Variants in DNAH3 observed in about 807,000 individuals in gnomAD.
DNAH3 encodes the protein dynein axonemal heavy chain 3, also known as axonemal beta dynein heavy chain 3.
In DNAH3, 332 loss-of-function variants were observed where a neutral mutation model predicts 432.5. That is an observed-to-expected ratio of 0.77 (90% confidence interval 0.70 to 0.84). The LOEUF (loss-of-function observed/expected upper bound fraction) is 0.84. DNAH3 is among the 40% of genes least tolerant of loss of function. The pLI, the probability that DNAH3 is intolerant of heterozygous loss-of-function variation, is 0.00. For missense variants in DNAH3, 4,861 were observed against 5,114.0 expected (o/e 0.95, Z 1.51); for synonymous variants, 1,956 against 1,900.2 (o/e 1.03, Z -0.76).
chr16:20,975,411 G>T (rs372944277), exon 51 of DNAH3: 2 of 1,613,354 alleles, frequency 1.2e-6, no homozygotes, highest in South Asian at 2.2e-5. Context: ...TTGCATAACC[G>T]CTACCTAGCA....
intron 46 of DNAH3, 28 bp downstream of exon 46, chr16:20,987,665 T>C (rs2086265412): frequency 1.2e-6 from 2 of 1,609,894 alleles, no homozygotes; most frequent in Non-Finnish European, 1.7e-6. Flanking sequence ...TGCTGAATGA[T>C]CTTGGTAGTA....
chr16:21,151,382 G>A (rs896029017), intron 1 of DNAH3, among the ~76,000 whole-genome samples: 5 of 148,480 alleles, frequency 3.4e-5, no homozygotes, highest in South Asian at 2.1e-4. Context: ...GTGCAGTGGC[G>A]TGATCTCAGC....
intron 51 of DNAH3, among the ~76,000 whole-genome samples, 167 bp downstream of exon 51, chr16:20,975,066 G>T (rs1433840854): frequency 6.7e-6 from 1 of 150,206 alleles, no homozygotes; most frequent in Non-Finnish European, 1.5e-5. Context: ...CCTAACCTCA[G>T]GTGATCCACC....
At chr16:21,069,808 A>G (rs2090716005) in intron 22 of DNAH3, among the ~76,000 whole-genome samples, 1 of 152,240 alleles carries the variant, frequency 6.6e-6, no homozygotes, top group Non-Finnish European at 1.5e-5. Context: ...TTTGCCCTTT[A>G]CGGAGCTCAC....
intron 8 of DNAH3, among the ~76,000 whole-genome samples, chr16:21,125,918 G>A (rs915662687): frequency 1.3e-5 from 2 of 152,136 alleles, no homozygotes; most frequent in African/African-American, 4.8e-5. Context: ...AGGCCGAAGC[G>A]GGCAGATCAC....
chr16:20,989,592 C>T (rs3103813), intron 44 of DNAH3, among the ~76,000 whole-genome samples: 25,168 of 152,282 alleles, frequency 0.17, 2,308 homozygotes, highest in African/African-American at 0.24. Context: ...TAGTGGATCC[C>T]GCACCGGGGC....
intron 41 of DNAH3, among the ~76,000 whole-genome samples, chr16:21,010,819 C>T (rs555021682): frequency 7.3e-5 from 11 of 151,684 alleles, no homozygotes; most frequent in African/African-American, 2.2e-4. Context: ...CAGGCTCAAG[C>T]GATCCTTCCA....
At chr16:21,077,185 T>A (rs1465859680) in intron 20 of DNAH3, among the ~76,000 whole-genome samples, 2 of 152,018 alleles carry the variant, frequency 1.3e-5, no homozygotes, top group East Asian at 3.9e-4. Context: ...TTCCCCCAGA[T>A]GGAGTCTCAC....
rs191800685 is a variant in DNAH3, at chr16:21,116,570, T to G, written c.1814+633A>C. ...AATTAAGCCTCTTTCTTTTGTAAAT[T>G]ACTCAGTCTCAAGCATGTCTTCATT... On this transcript the variant is annotated intron_variant, in intron 12 of 61. Transcript: ENST00000261383. Among the ~76,000 whole-genome samples the G allele has an allele frequency of 2.6e-5, 4 of 152,250 alleles. No individual in the cohort carries two copies. The East Asian group carries it at 7.7e-4, about 29-fold the overall frequency.
intron 44 of DNAH3, among the ~76,000 whole-genome samples, chr16:20,996,198 T>C (rs1054857948): frequency 6.6e-6 from 1 of 152,244 alleles, no homozygotes; most frequent in Non-Finnish European, 1.5e-5. Context: ...TTTTTATACA[T>C]ACATGTGTTA....
chr16:21,144,120 T>C (rs572938488), intron 3 of DNAH3, among the ~76,000 whole-genome samples: 6 of 152,264 alleles, frequency 3.9e-5, no homozygotes, highest in East Asian at 3.9e-4. Context: ...ATTAAATTAA[T>C]ACATACAAGG....
intron 49 of DNAH3, among the ~76,000 whole-genome samples, chr16:20,981,796 T>G (rs770100051): frequency 3.7e-4 from 56 of 151,862 alleles, no homozygotes; most frequent in Non-Finnish European, 6.9e-4. Context: ...AAGCACCTTC[T>G]AGAAACTAAG....
intron 53 of DNAH3, among the ~76,000 whole-genome samples, chr16:20,959,610 A>AACACACACAC (rs55757849): frequency 8.1e-4 from 111 of 137,638 alleles, no homozygotes; most frequent in African/African-American, 1.6e-3. Context: ...TCTCTATTTA[A>AACACACACAC]ACACACACAC....
intron 43 of DNAH3, among the ~76,000 whole-genome samples, chr16:20,999,745 T>G (rs1237760681): frequency 6.6e-6 from 1 of 152,204 alleles, no homozygotes; most frequent in Admixed American, 6.5e-5. Context: ...GGAAACGCTT[T>G]GTAAATAGTT....
chr16:20,945,363 C>G (rs2083997568), intron 57 of DNAH3, among the ~76,000 whole-genome samples: 1 of 152,166 alleles, frequency 6.6e-6, no homozygotes, highest in Non-Finnish European at 1.5e-5. Flanking sequence ...ATTGCCCACC[C>G]CTTTCCCGGA....
intron 15 of DNAH3, among the ~76,000 whole-genome samples, chr16:21,105,773 A>C (rs895240071): frequency 1.3e-5 from 2 of 152,178 alleles, no homozygotes; most frequent in Non-Finnish European, 2.9e-5. Context: ...CGACAAAAAA[A>C]ATAAATAAAT....
chr16:20,997,228 GC>G lies in DNAH3; in HGVS notation c.6601+54del, dbSNP rs1425292661. 7 of 1,563,964 alleles carry G rather than the reference GC, an allele frequency of 4.5e-6. No individual in the cohort carries two copies. The African/African-American group carries it at 6.7e-5, about 15-fold the overall frequency. On this transcript the variant is annotated intron_variant, in intron 44 of 61. Transcript: ENST00000261383. ...CACCAACCCACCTTTCATAAAGGTGGCCCAGCTCTGCTGGGGATGGAGGGAA... is the reference window on the plus strand; with the variant it reads ...CACCAACCCACCTTTCATAAAGGTGGCCAGCTCTGCTGGGGATGGAGGGAA...
chr16:21,038,190 A>G (rs996784938), intron 33 of DNAH3, among the ~76,000 whole-genome samples: 2 of 152,190 alleles, frequency 1.3e-5, no homozygotes, highest in Non-Finnish European at 2.9e-5. Context: ...TATGTATAAC[A>G]TGTATGGTAT....
intron 35 of DNAH3, among the ~76,000 whole-genome samples, chr16:21,036,050 C>G (rs1384015203): frequency 2.0e-5 from 3 of 152,094 alleles, no homozygotes; most frequent in African/African-American, 7.2e-5. Flanking sequence ...AACTAATTTG[C>G]CTAAAATCTC....
Sources: allele counts gnomAD v4.1 joint callset (sites outside exome capture counted in the v4.1 genomes callset), GRCh38; gene constraint gnomAD v4.1.1; transcripts MANE v1.5; gene names NCBI Gene and HGNC (gene_info 2026-07-23, HGNC 2026-07-21).